Variants in ASIC2 observed in about 807,000 individuals in gnomAD.
The protein encoded by ASIC2 is acid-sensing ion channel 2.
Under a neutral mutation model 57.3 loss-of-function variants are expected in ASIC2, and 25 were observed. The ratio of observed to expected loss-of-function variants is 0.44; its 90% CI spans 0.32 to 0.61. The LOEUF is 0.61. Among genes scored for constraint, ASIC2 ranks in the 20% least tolerant of loss-of-function variants. ASIC2 has a pLI of 0.06. For synonymous variants in ASIC2, 319 were observed against 307.5 expected, an observed-to-expected ratio of 1.04 and a Z score of -0.39; for missense variants, 641 against 738.1, an observed-to-expected ratio of 0.87 and a Z score of 1.52.
At chr17:33,202,557 C>A (rs1906912478) in intron 1 of ASIC2, among the ~76,000 whole-genome samples, 1 of 152,130 alleles carries the variant, frequency 6.6e-6, no homozygotes, top group South Asian at 2.1e-4. Context: ...TGCAGCAGGG[C>A]TCTTGCTGGA....
chr17:33,408,382 G>T (rs1910539959), intron 1 of ASIC2, among the ~76,000 whole-genome samples: 1 of 152,186 alleles, frequency 6.6e-6, no homozygotes, highest in African/African-American at 2.4e-5. Context: ...GGGTAGTGGG[G>T]AGGGCAGGAT....
chr17:33,172,268 T>A (rs1415413535), intron 1 of ASIC2, among the ~76,000 whole-genome samples: 1 of 152,198 alleles, frequency 6.6e-6, no homozygotes, highest in African/African-American at 2.4e-5. Flanking sequence ...GCATTTAAAA[T>A]TCAGGCTTCT....
At chr17:33,863,957 G>A (rs1156474242) in intron 1 of ASIC2, among the ~76,000 whole-genome samples, 1 of 150,982 alleles carries the variant, frequency 6.6e-6, no homozygotes, top group Non-Finnish European at 1.5e-5. Flanking sequence ...AGGCTAGAGT[G>A]CAATGGTGTG....
chr17:33,037,389 CTTTT>C (rs35286664), intron 3 of ASIC2, among the ~76,000 whole-genome samples: 38,829 of 123,304 alleles, frequency 0.31, 5,939 homozygotes, highest in Middle Eastern at 0.37. Context: ...ACTTCCCCCT[CTTTT>C]TTTTTTTTTT....
intron 1 of ASIC2, among the ~76,000 whole-genome samples, chr17:33,982,656 T>C (rs1039005449): frequency 1.3e-5 from 2 of 152,220 alleles, no homozygotes; most frequent in African/African-American, 4.8e-5. Context: ...CCTATCATGT[T>C]GACCTGGTAA....
chr17:34,038,995 C>T (rs917478610), intron 1 of ASIC2: 11 of 1,613,980 alleles, frequency 6.8e-6, no homozygotes, highest in African/African-American at 4.0e-5. Context: ...CAGTCTCAAG[C>T]GGTCTTGCAT....
At chr17:33,014,877 C>T (rs1481675226) in intron 9 of ASIC2, among the ~76,000 whole-genome samples, 2 of 152,190 alleles carry the variant, frequency 1.3e-5, no homozygotes, top group Non-Finnish European at 2.9e-5. Flanking sequence ...GCTTTGCCGG[C>T]AGGATCTCAC....
At chr17:33,732,255 A>G (rs1345042842) in intron 1 of ASIC2, among the ~76,000 whole-genome samples, 2 of 152,236 alleles carry the variant, frequency 1.3e-5, no homozygotes, top group Non-Finnish European at 2.9e-5. Context: ...ATCGTAGCAC[A>G]TGTGTTCAAT....
intron 1 of ASIC2, among the ~76,000 whole-genome samples, chr17:34,096,594 G>T (rs1381286250): frequency 2.0e-5 from 3 of 152,032 alleles, no homozygotes; most frequent in Non-Finnish European, 4.4e-5. Flanking sequence ...GGGCATGGTG[G>T]CTGTAATGCC....
intron 1 of ASIC2, among the ~76,000 whole-genome samples, chr17:33,418,717 T>C (rs1462625478): frequency 1.3e-5 from 2 of 152,158 alleles, no homozygotes; most frequent in Non-Finnish European, 2.9e-5. Flanking sequence ...TTCTGTTCCA[T>C]TGGTCTATAT....
chr17:33,953,959 G>A (rs1235629164), intron 1 of ASIC2, among the ~76,000 whole-genome samples: 3 of 152,186 alleles, frequency 2.0e-5, no homozygotes, highest in Non-Finnish European at 4.4e-5. Context: ...CATTCTTTGG[G>A]CCACAGAGGG....
chr17:33,831,980 TCTC>T (rs950744967), intron 1 of ASIC2, among the ~76,000 whole-genome samples: 39 of 152,246 alleles, frequency 2.6e-4, no homozygotes, highest in African/African-American at 9.4e-4. Flanking sequence ...TACCCTCTCT[TCTC>T]TTGTCTCCAA....
At chr17:34,040,612 G>T (rs1908095709) in intron 1 of ASIC2, among the ~76,000 whole-genome samples, 1 of 152,172 alleles carries the variant, frequency 6.6e-6, no homozygotes, top group East Asian at 1.9e-4. Flanking sequence ...GCTGCCAGGT[G>T]AGAGAGTCAT....
chr17:33,858,357 T>C (rs1450191142), intron 1 of ASIC2, among the ~76,000 whole-genome samples: 1 of 152,202 alleles, frequency 6.6e-6, no homozygotes, highest in Non-Finnish European at 1.5e-5. Flanking sequence ...TACTCCCCAG[T>C]GTGGCTGCCC....
intron 1 of ASIC2, among the ~76,000 whole-genome samples, chr17:33,332,154 G>A (rs1907339713): frequency 6.6e-6 from 1 of 152,202 alleles, no homozygotes; most frequent in African/African-American, 2.4e-5. Flanking sequence ...ACCCGTTCGT[G>A]TTATGAAGAT....
chr17:33,367,295 A>T (rs141462870), intron 1 of ASIC2, among the ~76,000 whole-genome samples: 26 of 152,368 alleles, frequency 1.7e-4, no homozygotes, highest in African/African-American at 5.8e-4. Flanking sequence ...TGTAACATAC[A>T]AAGTACTAAA....
At chr17:33,370,569 T>C (rs1309550700) in intron 1 of ASIC2, among the ~76,000 whole-genome samples, 3 of 152,160 alleles carry the variant, frequency 2.0e-5, no homozygotes, top group South Asian at 4.1e-4. Flanking sequence ...CCTGGCCGTC[T>C]CTGGAAGCAG....
At chr17:33,306,600 A>G (rs1313969237) in intron 1 of ASIC2, among the ~76,000 whole-genome samples, 1 of 151,970 alleles carries the variant, frequency 6.6e-6, no homozygotes. Flanking sequence ...TCCCTCCTAA[A>G]TCATTCTCAA....
intron 1 of ASIC2, among the ~76,000 whole-genome samples, chr17:33,800,825 C>T (rs376176077): frequency 3.3e-5 from 5 of 152,146 alleles, no homozygotes; most frequent in African/African-American, 1.2e-4. Context: ...ATCAACTTTT[C>T]AAGGTGGGTA....
Sources: gnomAD v4.1 joint callset for allele counts (sites outside exome capture counted in the v4.1 genomes callset) on GRCh38, gnomAD v4.1.1 for gene constraint, MANE v1.5 for transcripts, NCBI Gene and HGNC (gene_info 2026-07-23, HGNC 2026-07-21) for gene names.